SLC9C2: variants seen among roughly 807,000 people sequenced by gnomAD.
SLC9C2 encodes sodium/hydrogen exchanger 11.
A neutral mutation model predicts 140.2 loss-of-function variants in SLC9C2; 75 were observed. That is an observed-to-expected ratio of 0.53 (90% CI 0.44 to 0.65). SLC9C2 has a LOEUF of 0.65. SLC9C2 is among the 30% of genes least tolerant of loss of function. The probability of loss-of-function intolerance (pLI) is 0.00; values close to 1 mark genes in which losing one functional copy is unlikely to be tolerated. For missense variants in SLC9C2, 1,074 were observed against 1,331.8 expected, an observed-to-expected ratio of 0.81 and a Z score of 3.01; for synonymous variants, 375 against 420.9, an observed-to-expected ratio of 0.89 and a Z score of 1.34.
chr1:173,522,974 C>T (rs1660932337), intron 21 of SLC9C2, among the ~76,000 whole-genome samples: 1 of 152,222 alleles, frequency 6.6e-6, no homozygotes, highest in African/African-American at 2.4e-5. Context: ...TACCTTTTCT[C>T]CCCTTATTTT....
At chr1:173,524,316 A>G (rs1164078828) in intron 20 of SLC9C2, among the ~76,000 whole-genome samples, 1 of 152,174 alleles carries the variant, frequency 6.6e-6, no homozygotes. Context: ...TGAACCTATC[A>G]TCTTCATAAT....
chr1:173,518,912 C>A (rs890318478), intron 22 of SLC9C2, among the ~76,000 whole-genome samples: 1 of 151,970 alleles, frequency 6.6e-6, no homozygotes, highest in African/African-American at 2.4e-5. Flanking sequence ...GGAGGCCCCC[C>A]CAAGATTCCT....
chr1:173,515,777 T>C (rs567234286), intron 23 of SLC9C2, among the ~76,000 whole-genome samples: 1 of 152,348 alleles, frequency 6.6e-6, no homozygotes, highest in African/African-American at 2.4e-5. Context: ...TTTTCGTTTA[T>C]TCTTTCTCAT....
intron 8 of SLC9C2, 51 bp downstream of exon 8, chr1:173,576,610 T>C (rs371356843): frequency 6.1e-6 from 7 of 1,152,140 alleles, no homozygotes; most frequent in South Asian, 1.3e-5. Flanking sequence ...CGAGACGCCT[T>C]ATGCACTAAA....
intron 9 of SLC9C2, among the ~76,000 whole-genome samples, chr1:173,565,293 C>T (rs185244712): frequency 4.2e-4 from 64 of 152,262 alleles, no homozygotes; most frequent in Non-Finnish European, 7.5e-4. Context: ...AGACCAGTGT[C>T]CTAGAGGGTT....
At chr1:173,598,705 A>G (rs1262518677) in intron 3 of SLC9C2, among the ~76,000 whole-genome samples, 2 of 152,208 alleles carry the variant, frequency 1.3e-5, no homozygotes, top group Non-Finnish European at 2.9e-5. Flanking sequence ...ATCTGCTTTC[A>G]ATGGGTTGCT....
intron 14 of SLC9C2, 67 bp downstream of exon 14, chr1:173,536,875 T>G: frequency 9.0e-7 from 1 of 1,107,354 alleles, no homozygotes; most frequent in Admixed American, 1.8e-5. Context: ...TAATTCTCAT[T>G]TTATTCATTC....
intron 23 of SLC9C2, among the ~76,000 whole-genome samples, chr1:173,511,994 C>T (rs1258200534): frequency 6.6e-6 from 1 of 152,108 alleles, no homozygotes; most frequent in African/African-American, 2.4e-5. Context: ...GGCCTCTGTT[C>T]TGTTCCATTG....
intron 23 of SLC9C2, 152 bp downstream of exon 23, chr1:173,517,385 A>G: frequency 1.6e-6 from 1 of 642,594 alleles, no homozygotes; most frequent in Non-Finnish European, 2.5e-6. Flanking sequence ...AGAGCCTGGG[A>G]TGTGAGACAC....
In SLC9C2 at chr1:173,537,039, T is replaced by C. The variant is rs758929620; in HGVS notation, c.1558A>G (p.Ser520Gly). Residue 520 changes from serine (S) to glycine (G), a missense_variant and splice_region_variant, in exon 14 of 28, where the codon AGT becomes GGT. Coordinates refer to ENST00000367714, the MANE Select transcript of SLC9C2 (RefSeq NM_178527.4). ...TTGTTACGCTGTTTTTCAAAGCTAC[T>C]CTAAACATACATTAAATGAAGATTA... ...ARLHVAAIQM[S>G]SFEKQRNNGI... The C allele has an allele frequency of 6.2e-7, 1 of 1,609,242 alleles. No individual in the cohort carries two copies. The highest frequency in any genetic ancestry group is 1.7e-5 in the Admixed American group (1 of 59,944).
chr1:173,541,719 A>T (rs1490483999), intron 13 of SLC9C2, among the ~76,000 whole-genome samples: 7 of 151,374 alleles, frequency 4.6e-5, no homozygotes, highest in Non-Finnish European at 7.4e-5. Context: ...TCAAAACTGC[A>T]CAACTACATG....
In SLC9C2 at chr1:173,557,403, A is replaced by T. The variant is rs760139204; in HGVS notation, c.1152T>A (p.Phe384Leu). The change falls in exon 10 of 28, where the codon TTT becomes TTA. Residue 384 changes from phenylalanine to leucine, a missense_variant. Phe to Leu is a conservative substitution (Grantham distance 22). Transcript: ENST00000367714. The stretch of plus-strand genomic sequence containing the variant: ...AAACATCAGGAGCCCAGAGTAAATT[A>T]AAAACTCCTTTAATTCCAGACCACG... ...VITWSGIKGV[F>L]NLLWAPDVYN... The T allele has an allele frequency of 6.2e-6, 10 of 1,613,906 alleles. No homozygotes were observed. The African/African-American group carries it at 1.3e-4, about 22-fold the overall frequency.
At chr1:173,516,112 T>C (rs1471969653) in intron 23 of SLC9C2, among the ~76,000 whole-genome samples, 1 of 152,164 alleles carries the variant, frequency 6.6e-6, no homozygotes, top group African/African-American at 2.4e-5. Context: ...GGGTGTCTGA[T>C]AACCCCTATT....
intron 13 of SLC9C2, among the ~76,000 whole-genome samples, chr1:173,541,329 C>G (rs1399127312): frequency 6.6e-6 from 1 of 152,122 alleles, no homozygotes; most frequent in Admixed American, 6.5e-5. Context: ...TATATATGCA[C>G]TTAATACAGG....
At chr1:173,516,083 G>A (rs1382147140) in intron 23 of SLC9C2, among the ~76,000 whole-genome samples, 2 of 152,200 alleles carry the variant, frequency 1.3e-5, no homozygotes, top group South Asian at 2.1e-4. Context: ...ACTGATGCCA[G>A]TAGGAACGCT....
At chr1:173,544,132 T>C (rs1275120023) in intron 13 of SLC9C2, among the ~76,000 whole-genome samples, 5 of 151,994 alleles carry the variant, frequency 3.3e-5, no homozygotes, top group Middle Eastern at 3.4e-3. Context: ...ATATCAAGAA[T>C]CTCCAAAGAA....
chr1:173,552,341 A>G (rs1032236251), intron 11 of SLC9C2, among the ~76,000 whole-genome samples: 30 of 152,230 alleles, frequency 2.0e-4, no homozygotes, highest in Non-Finnish European at 4.1e-4. Context: ...GTGATTTTCA[A>G]TGTAGATTTC....
At position 173,565,403 on chromosome 1, in the gene SLC9C2, C is replaced by G. The variant is rs181213146; in HGVS notation, c.1046+7779G>C. 2.1e-3 allele frequency among the ~76,000 whole-genome samples: 317 copies of G among 152,192 alleles called. 1 individual carries two copies. The highest frequency in any genetic ancestry group is 3.8e-3 in the Non-Finnish European group (257 of 67,994). On this transcript the variant is annotated intron_variant, in intron 9 of 27. Coordinates refer to ENST00000367714, the MANE Select transcript of SLC9C2 (RefSeq NM_178527.4). ...TTTTGCATGTGGTGAGAGTTAGGTG[C>G]CTAGTTTCATTCTTTCACTTATGGA...
At chr1:173,586,136 A>G (rs1412515176) in intron 5 of SLC9C2, among the ~76,000 whole-genome samples, 1 of 152,162 alleles carries the variant, frequency 6.6e-6, no homozygotes, top group East Asian at 1.9e-4. Context: ...ATGAAACAAG[A>G]GGTAAATACA....
Sources: gnomAD v4.1 joint callset for allele counts (sites outside exome capture counted in the v4.1 genomes callset) on GRCh38, gnomAD v4.1.1 for gene constraint, MANE v1.5 for transcripts, NCBI Gene and HGNC (gene_info 2026-07-23, HGNC 2026-07-21) for gene names.